ZDHHC7: variants seen among roughly 807,000 people sequenced by gnomAD.
The protein encoded by ZDHHC7 is palmitoyltransferase ZDHHC7.
ZDHHC7 carries 12 observed loss-of-function variants against 34.1 expected under a neutral mutation model. The ratio of observed to expected loss-of-function variants is 0.35; its 90% CI spans 0.23 to 0.57. The LOEUF is 0.57. ZDHHC7 is among the 20% of genes least tolerant of loss of function. The pLI, the probability that ZDHHC7 is intolerant of heterozygous loss-of-function variation, is 0.84. For missense variants in ZDHHC7, 388 were observed against 402.7 expected, an observed-to-expected ratio of 0.96 and a Z score of 0.31; for synonymous variants, 185 against 155.4, an observed-to-expected ratio of 1.19 and a Z score of -1.42.
chr16:84,979,377 A>G (rs1424397875), intron 4 of ZDHHC7, 92 bp from the exon 5 acceptor site: 6 of 1,504,838 alleles, frequency 4.0e-6, no homozygotes, highest in Middle Eastern at 1.8e-4. Context: ...GGAAAATTAG[A>G]ATGTATATTC....
intron 2 of ZDHHC7, among the ~76,000 whole-genome samples, chr16:84,991,631 G>C (rs924911903): frequency 6.6e-6 from 1 of 150,646 alleles, no homozygotes; most frequent in African/African-American, 2.4e-5. Context: ...GTTGTTTTGG[G>C]AACACAGTCT....
intron 1 of ZDHHC7, among the ~76,000 whole-genome samples, chr16:85,007,326 G>T (rs149065931): frequency 6.6e-6 from 1 of 151,666 alleles, no homozygotes; most frequent in East Asian, 1.9e-4. Flanking sequence ...GGGAGGCTGA[G>T]GCAGGAGAAC....
At position 84,976,233 on chromosome 16, in the gene ZDHHC7, T is replaced by C. The variant is rs1415954355; in HGVS notation, c.*110A>G. The C allele has an allele frequency of 7.3e-7, 1 of 1,369,098 alleles. No individual in the cohort carries two copies. The highest frequency in any genetic ancestry group is 2.3e-5 in the East Asian group (1 of 43,358). 84.8% of individuals were successfully genotyped at this position (1,369,098 alleles called of 1,614,324 possible). On this transcript the variant is annotated 3_prime_UTR_variant, in exon 8 of 8. Coordinates refer to ENST00000313732, the MANE Select transcript of ZDHHC7 (RefSeq NM_017740.3). ...CTCTGCTTGCTGCAAGCAATTGGTT[T>C]GTGTAGGTTCCAGTTGCCCTGTTGG...
At chr16:84,988,359 C>T (rs2072464718) in intron 3 of ZDHHC7, among the ~76,000 whole-genome samples, 1 of 152,060 alleles carries the variant, frequency 6.6e-6, no homozygotes, top group African/African-American at 2.4e-5. Context: ...TGTGGATGCA[C>T]TAAACACCAC....
intron 1 of ZDHHC7, among the ~76,000 whole-genome samples, 161 bp downstream of exon 1, chr16:85,011,125 C>A (rs948883846): frequency 3.3e-5 from 5 of 152,214 alleles, no homozygotes; most frequent in Non-Finnish European, 4.4e-5. Flanking sequence ...AAGTCAGGTG[C>A]GGGCACGGAG....
chr16:84,999,365 G>A (rs1768115085), intron 1 of ZDHHC7, among the ~76,000 whole-genome samples: 1 of 152,040 alleles, frequency 6.6e-6, no homozygotes, highest in Admixed American at 6.6e-5. Context: ...CCACTTCCAG[G>A]TATTTACCCA....
intron 1 of ZDHHC7, among the ~76,000 whole-genome samples, chr16:85,004,706 T>A (rs529440200): frequency 1.3e-5 from 2 of 152,198 alleles, no homozygotes; most frequent in African/African-American, 4.8e-5. Context: ...CCACAAACAT[T>A]TCTTGAGTGA....
At chr16:84,978,873 AAAAG>A (rs1375299150) in intron 5 of ZDHHC7, among the ~76,000 whole-genome samples, 2 of 151,766 alleles carry the variant, frequency 1.3e-5, no homozygotes, top group Admixed American at 6.6e-5. Context: ...AAAAAAAAAA[AAAAG>A]AAAAAAAGAA....
chr16:84,998,888 G>A (rs146660720), intron 1 of ZDHHC7, among the ~76,000 whole-genome samples: 1,699 of 151,974 alleles, frequency 0.011, 12 homozygotes, highest in Non-Finnish European at 0.017. Context: ...CGAGTAGCTG[G>A]GATTACAGGT....
At chr16:84,980,715 A>G (rs1597532731) in intron 4 of ZDHHC7, among the ~76,000 whole-genome samples, 1 of 152,084 alleles carries the variant, frequency 6.6e-6, no homozygotes, top group Non-Finnish European at 1.5e-5. Context: ...ACCCATTTGC[A>G]ATGTACAATT....
At chr16:84,981,776 G>GTAC in intron 4 of ZDHHC7, 94 bp downstream of exon 4, 1 of 1,597,952 alleles carries the variant, frequency 6.3e-7, no homozygotes, top group Admixed American at 1.7e-5. Flanking sequence ...CGGGGGCCAT[G>GTAC]TACCTACGGT....
At chr16:84,998,972 C>A (rs1451152791) in intron 1 of ZDHHC7, among the ~76,000 whole-genome samples, 1 of 152,092 alleles carries the variant, frequency 6.6e-6, no homozygotes, top group Admixed American at 6.5e-5. Flanking sequence ...CCAGGCTGGT[C>A]TCGAACTCCT....
the ZDHHC7 span, among the ~76,000 whole-genome samples, chr16:85,016,697 C>T: frequency 6.6e-6 from 1 of 151,366 alleles, no homozygotes; most frequent in African/African-American, 2.4e-5. Flanking sequence ...TGAACTCAAG[C>T]GATCCTCTCA....
chr16:84,981,100 G>A (rs190216757), intron 4 of ZDHHC7, among the ~76,000 whole-genome samples: 2 of 152,164 alleles, frequency 1.3e-5, no homozygotes, highest in Non-Finnish European at 2.9e-5. Flanking sequence ...ACTATTTCAA[G>A]GAATGGAGAA....
At chr16:85,013,832 C>T (rs529800042), upstream of ZDHHC7, among the ~76,000 whole-genome samples, 1 of 152,208 alleles carries the variant, frequency 6.6e-6, no homozygotes, top group East Asian at 1.9e-4. Context: ...GGATTACAGG[C>T]ACCCACCATC....
At chr16:84,985,901 G>C (rs188588694) in intron 3 of ZDHHC7, among the ~76,000 whole-genome samples, 1 of 141,576 alleles carries the variant, frequency 7.1e-6, no homozygotes, top group Admixed American at 7.6e-5. Flanking sequence ...GTTTCAATGA[G>C]CTGAGATCCT....
intron 1 of ZDHHC7, among the ~76,000 whole-genome samples, chr16:85,003,513 T>C (rs889589131): frequency 3.3e-5 from 5 of 152,190 alleles, no homozygotes; most frequent in African/African-American, 1.2e-4. Flanking sequence ...AGTTTGTCCT[T>C]TCAAATCCTA....
intron 1 of ZDHHC7, among the ~76,000 whole-genome samples, chr16:85,009,126 T>C (rs1188688932): frequency 3.3e-5 from 5 of 152,036 alleles, no homozygotes; most frequent in Non-Finnish European, 7.3e-5. Context: ...AATTATCTTG[T>C]ATAGTTGTCC....
At chr16:85,015,645 T>G (rs372105215), upstream of ZDHHC7, among the ~76,000 whole-genome samples, 1 of 152,054 alleles carries the variant, frequency 6.6e-6, no homozygotes. Context: ...GAGGCCAGTT[T>G]GAGACCAGCC....
Sources: gnomAD v4.1 joint callset for allele counts (sites outside exome capture counted in the v4.1 genomes callset) on GRCh38, gnomAD v4.1.1 for gene constraint, MANE v1.5 for transcripts, NCBI Gene and HGNC (gene_info 2026-07-23, HGNC 2026-07-21) for gene names.